Variants in MCTP1 observed in about 807,000 individuals in gnomAD.
MCTP1 encodes multiple C2 and transmembrane domain containing 1.
In MCTP1, 69 loss-of-function variants were observed where a neutral mutation model predicts 120.6. The observed-to-expected ratio is 0.57, with a 90% CI of 0.47 to 0.70. MCTP1 has a LOEUF of 0.70. Among genes scored for constraint, MCTP1 ranks in the 30% least tolerant of loss-of-function variants. MCTP1 has a pLI of 0.00. For missense variants in MCTP1, 1,203 were observed against 1,248.8 expected, an observed-to-expected ratio of 0.96 and a Z score of 0.55; for synonymous variants, 529 against 493.1, an observed-to-expected ratio of 1.07 and a Z score of -0.96.
chr5:95,132,470 A>C (rs559819219), intron 1 of MCTP1, among the ~76,000 whole-genome samples: 9 of 152,366 alleles, frequency 5.9e-5, no homozygotes, highest in Admixed American at 5.9e-4. Context: ...AAAACCTGGA[A>C]AATGCATAAA....
chr5:95,133,616 T>C (rs1050313592), intron 1 of MCTP1, among the ~76,000 whole-genome samples: 2 of 152,214 alleles, frequency 1.3e-5, no homozygotes, highest in Non-Finnish European at 2.9e-5. Flanking sequence ...GATCGTGCCA[T>C]TGCACTCCAG....
intron 19 of MCTP1, among the ~76,000 whole-genome samples, chr5:94,774,431 A>C (rs1232625805): frequency 6.6e-6 from 1 of 152,160 alleles, no homozygotes; most frequent in Non-Finnish European, 1.5e-5. Flanking sequence ...GATAGATTTA[A>C]AGATGGAGGA....
chr5:95,151,489 A>T (rs1760893807), intron 1 of MCTP1, among the ~76,000 whole-genome samples: 1 of 151,944 alleles, frequency 6.6e-6, no homozygotes, highest in African/African-American at 2.4e-5. Context: ...TGCAATTCAA[A>T]CCCATGTTCT....
intron 17 of MCTP1, among the ~76,000 whole-genome samples, chr5:94,821,578 T>G (rs1447595857): frequency 6.6e-6 from 1 of 152,216 alleles, no homozygotes; most frequent in Admixed American, 6.5e-5. Context: ...TTCCATTACT[T>G]CCATATTTTC....
chr5:95,027,292 A>G (rs1839437280), intron 1 of MCTP1, among the ~76,000 whole-genome samples: 1 of 152,180 alleles, frequency 6.6e-6, no homozygotes. Flanking sequence ...GTAAATGTAA[A>G]TCCCTTGCCC....
chr5:94,814,926 C>T (rs1369228380), intron 17 of MCTP1, among the ~76,000 whole-genome samples: 1 of 152,114 alleles, frequency 6.6e-6, no homozygotes, highest in Non-Finnish European at 1.5e-5. Flanking sequence ...GGCCTAGAGT[C>T]TTAGGTTTTC....
chr5:95,152,772 T>C (rs1582380410), intron 1 of MCTP1, among the ~76,000 whole-genome samples: 2 of 152,210 alleles, frequency 1.3e-5, no homozygotes, highest in Admixed American at 1.3e-4. Context: ...GGAACAAACA[T>C]CAGCATATGC....
intron 1 of MCTP1, among the ~76,000 whole-genome samples, chr5:95,108,324 A>G (rs904768751): frequency 6.6e-6 from 1 of 152,294 alleles, no homozygotes; most frequent in Non-Finnish European, 1.5e-5. Flanking sequence ...AACCAAGAAC[A>G]TTTGCTGTGT....
chr5:95,257,032 C>T (rs1202934637), intron 1 of MCTP1, among the ~76,000 whole-genome samples: 1 of 152,098 alleles, frequency 6.6e-6, no homozygotes, highest in Admixed American at 6.5e-5. Flanking sequence ...AAATCTTGTG[C>T]AGGTGTTGGA....
intron 19 of MCTP1, among the ~76,000 whole-genome samples, chr5:94,724,096 A>G (rs552253547): frequency 6.6e-5 from 10 of 152,336 alleles, no homozygotes; most frequent in African/African-American, 2.4e-4. Flanking sequence ...TGCTAACCAT[A>G]TTAACTTCTA....
At chr5:95,066,470 T>A (rs572946937) in intron 1 of MCTP1, among the ~76,000 whole-genome samples, 34 of 152,250 alleles carry the variant, frequency 2.2e-4, no homozygotes, top group South Asian at 8.3e-4. Context: ...AACAGAACTA[T>A]TATATGATCC....
At chr5:95,122,696 T>C (rs1758333419) in intron 1 of MCTP1, among the ~76,000 whole-genome samples, 1 of 152,176 alleles carries the variant, frequency 6.6e-6, no homozygotes, top group Admixed American at 6.5e-5. Context: ...TATCTGCCTT[T>C]CCATGTGGAT....
intron 1 of MCTP1, among the ~76,000 whole-genome samples, chr5:95,189,084 C>T (rs1309556661): frequency 1.3e-5 from 2 of 152,080 alleles, no homozygotes; most frequent in African/African-American, 2.4e-5. Flanking sequence ...CCGGAAATAA[C>T]CCAAATGCCC....
At chr5:95,016,520 A>G (rs78804581) in intron 2 of MCTP1, among the ~76,000 whole-genome samples, 2,829 of 152,074 alleles carry the variant, frequency 0.019, 83 homozygotes, top group African/African-American at 0.065. Context: ...GAGGAACAAA[A>G]CAGGATCCTA....
intron 2 of MCTP1, among the ~76,000 whole-genome samples, chr5:94,995,214 C>A (rs1269718130): frequency 6.6e-6 from 1 of 152,148 alleles, no homozygotes; most frequent in African/African-American, 2.4e-5. Context: ...CCGTGGTTCT[C>A]AAACTTCAAC....
chr5:94,796,614 A>T (rs1388152249), intron 18 of MCTP1, among the ~76,000 whole-genome samples: 16 of 91,934 alleles, frequency 1.7e-4, no homozygotes, highest in African/African-American at 4.4e-4. Flanking sequence ...TAATATATAT[A>T]ATATATATAA....
At position 94,764,893 on chromosome 5, in the gene MCTP1, G is replaced by A. The variant is rs186575275; in HGVS notation, c.2610+14217C>T. ...ATTTAAACCACACTGTAGACCAAAT[G>A]GACCTAACAGAGCTTTATAGACCAT... On this transcript the variant is annotated intron_variant, in intron 19 of 22. Transcript: ENST00000515393. Among the ~76,000 whole-genome samples the A allele has an allele frequency of 2.0e-3, 299 of 149,384 alleles. 1 individual carries two copies. The highest frequency in any genetic ancestry group is 7.1e-3 in the African/African-American group (291 of 40,748).
At chr5:94,849,126 G>C (rs574395904) in intron 17 of MCTP1, among the ~76,000 whole-genome samples, 27 of 152,114 alleles carry the variant, frequency 1.8e-4, no homozygotes, top group Admixed American at 1.3e-3. Flanking sequence ...ATATATGCAG[G>C]AATGGGAGTT....
At chr5:95,016,977 A>G (rs1417736242) in intron 2 of MCTP1, among the ~76,000 whole-genome samples, 2 of 152,168 alleles carry the variant, frequency 1.3e-5, no homozygotes, top group Non-Finnish European at 2.9e-5. Flanking sequence ...GGGTCCTGCA[A>G]TGTGAGCAGA....
Sources: allele counts gnomAD v4.1 joint callset (sites outside exome capture counted in the v4.1 genomes callset), GRCh38; gene constraint gnomAD v4.1.1; transcripts MANE v1.5; gene names NCBI Gene and HGNC (gene_info 2026-07-23, HGNC 2026-07-21).